VPS13A: variants seen among roughly 807,000 people sequenced by gnomAD.
VPS13A encodes the protein intermembrane lipid transfer protein VPS13A.
VPS13A carries 264 observed loss-of-function variants against 390.9 expected under a neutral mutation model. The ratio of observed to expected loss-of-function variants is 0.68; its 90% CI spans 0.61 to 0.75. The LOEUF (loss-of-function observed/expected upper bound fraction) is 0.75. VPS13A is among the 30% of genes least tolerant of loss of function. VPS13A has a pLI of 0.00. For missense variants in VPS13A, 3,409 were observed against 3,733.9 expected, an observed-to-expected ratio of 0.91 and a Z score of 2.27; for synonymous variants, 1,231 against 1,227.1, an observed-to-expected ratio of 1.00 and a Z score of -0.07.
At chr9:77,220,835 A>G (rs1424951885) in intron 12 of VPS13A, among the ~76,000 whole-genome samples, 2 of 152,106 alleles carry the variant, frequency 1.3e-5, no homozygotes, top group Non-Finnish European at 2.9e-5. Flanking sequence ...TCCAGTTTTT[A>G]AGCTATTCCC....
chr9:77,411,637 T>C lies in VPS13A; in HGVS notation c.9474+4030T>C, dbSNP rs1834927738. On this transcript the variant is annotated intron_variant, in intron 71 of 71. Coordinates refer to ENST00000360280, the MANE Select transcript of VPS13A (RefSeq NM_033305.3). ...GAGATGGCGCCACTGCACTCCAGCC[T>C]AGGCAACAGCAAAACTCCATCTCAA... 4.0e-5 allele frequency among the ~76,000 whole-genome samples: 4 copies of C among 100,480 alleles called. No individual in the cohort carries two copies. In the South Asian group the frequency reaches 1.4e-3, roughly 35 times the overall value. 65.9% of individuals were successfully genotyped at this position (100,480 alleles called of 152,430 possible). A position where few individuals can be genotyped will look rare whatever the true frequency, so the allele number is the denominator to read the frequency against.
chr9:77,314,950 T>C (rs1188752877), intron 37 of VPS13A, among the ~76,000 whole-genome samples: 1 of 152,182 alleles, frequency 6.6e-6, no homozygotes, highest in African/African-American at 2.4e-5. Context: ...AAATCTAATA[T>C]AAGTTATTGT....
At chr9:77,401,363 G>GTGTC (rs1554680555) in intron 68 of VPS13A, among the ~76,000 whole-genome samples, 7 of 149,450 alleles carry the variant, frequency 4.7e-5, no homozygotes, top group East Asian at 3.9e-4. Flanking sequence ...GTGTGTGTGT[G>GTGTC]TGTGTGTGTG....
At chr9:77,370,849 T>TA (rs751009385) in intron 65 of VPS13A, 41 bp from the exon 66 acceptor site, 21 of 1,611,680 alleles carry the variant, frequency 1.3e-5, no homozygotes, top group Middle Eastern at 2.2e-4. Flanking sequence ...CTAGGCATCA[T>TA]AAAAAAGTAT....
chr9:77,365,848 A>G (rs1376507357), intron 60 of VPS13A, among the ~76,000 whole-genome samples: 2 of 152,110 alleles, frequency 1.3e-5, no homozygotes, highest in African/African-American at 4.8e-5. Flanking sequence ...AAAATTTTGC[A>G]TATGATGATT....
rs530196825 is a variant in VPS13A at position 77,257,457 on chromosome 9, C to G, written c.2289-2629C>G. Reference sequence around the variant, plus strand: ...GCTATGTTGCCCAGGCTATAACAGCCTATTTAAGATTGAGGCAGGTTGCAT... The same window carrying G: ...GCTATGTTGCCCAGGCTATAACAGCGTATTTAAGATTGAGGCAGGTTGCAT... On this transcript the variant is annotated intron_variant, in intron 22 of 71. Transcript: ENST00000360280. 7.9e-5 allele frequency among the ~76,000 whole-genome samples: 12 copies of G among 152,098 alleles called. 1 individual carries two copies. The South Asian group carries it at 2.3e-3, about 29-fold the overall frequency.
chr9:77,177,787 C>T lies in VPS13A; in HGVS notation c.83C>T (p.Ser28Phe). 4 of 1,613,276 alleles carry T rather than the reference C, an allele frequency of 2.5e-6. No individual in the cohort carries two copies. Among genetic ancestry groups the T allele is most frequent in the Non-Finnish European group, 2.5e-6 (3 of 1,179,596 alleles). The change falls in exon 1 of 72, where the codon TCT becomes TTT. Residue 28 changes from serine (S) to phenylalanine (F), a missense_variant. Coordinates refer to ENST00000360280, the MANE Select transcript of VPS13A (RefSeq NM_033305.3). ...GTGGACTTGGACACGTCCCAGCTCT[C>T]TCTGGGCATCTGGAAAGGTAAGGAG... ...YVVDLDTSQL[S>F]LGIWKGAVAL...
At chr9:77,208,331 C>A (rs1825793073) in intron 5 of VPS13A, among the ~76,000 whole-genome samples, 1 of 151,826 alleles carries the variant, frequency 6.6e-6, no homozygotes, top group Non-Finnish European at 1.5e-5. Flanking sequence ...GCCTCCTGGG[C>A]CAGCTGAATT....
At chr9:77,252,201 G>GT (rs535141166) in intron 21 of VPS13A, 34 bp from the exon 22 acceptor site, 73 of 1,512,868 alleles carry the variant, frequency 4.8e-5, no homozygotes, top group Non-Finnish European at 6.5e-5. Flanking sequence ...GTGTGTTATA[G>GT]TTACGTTAAA....
intron 1 of VPS13A, among the ~76,000 whole-genome samples, chr9:77,183,965 T>C (rs1396160133): frequency 1.3e-5 from 2 of 152,226 alleles, no homozygotes; most frequent in African/African-American, 4.8e-5. Flanking sequence ...GCAATTCATA[T>C]TATTAAATGT....
chr9:77,302,957 A>G lies in VPS13A; in HGVS notation c.3855A>G (p.Leu1285=). ...INDAYQEVLD[L]LLPLNLEVVV... ...ATGCATACCAGGAAGTACTGGATCT[A>G]CTCCTGCCATTAAATCTTGAGGTTG... Residue 1285 remains leucine, a synonymous_variant, in exon 34 of 72, where the codon CTA becomes CTG. Transcript: ENST00000360280. 1 of 1,613,730 alleles carries G rather than the reference A, an allele frequency of 6.2e-7. No individual in the cohort carries two copies.
intron 31 of VPS13A, among the ~76,000 whole-genome samples, chr9:77,287,430 C>T (rs1417511126): frequency 3.3e-5 from 5 of 151,864 alleles, no homozygotes; most frequent in Admixed American, 2.6e-4. Context: ...TGAGCTCAGG[C>T]GATCTACCTG....
chr9:77,318,890 T>A (rs1158662729), intron 41 of VPS13A, among the ~76,000 whole-genome samples: 1 of 152,032 alleles, frequency 6.6e-6, no homozygotes, highest in Non-Finnish European at 1.5e-5. Flanking sequence ...TTCAGAATAT[T>A]TTTTTTAAAG....
rs183184383 is a variant in VPS13A, at chr9:77,365,594, T to C, written c.8325+21T>C. The C allele has an allele frequency of 2.0e-4, 293 of 1,474,884 alleles. 4 individuals carry two copies. The African/African-American group carries it at 3.4e-3, about 17-fold the overall frequency. 91.4% of individuals were successfully genotyped at this position (1,474,884 alleles called of 1,614,324 possible). ...TCAAGGTAGGAGAAAGTCATTTTTA[T>C]TGTCCTTGATAATCTAGGTAATAGC... On this transcript the variant is annotated intron_variant, in intron 60 of 71. Coordinates refer to ENST00000360280, the MANE Select transcript of VPS13A (RefSeq NM_033305.3).
rs914862485 is a variant in VPS13A at position 77,194,128 on chromosome 9, C to T, written c.101-5817C>T. 3.9e-5 allele frequency among the ~76,000 whole-genome samples: 6 copies of T among 152,006 alleles called. No individual in the cohort carries two copies. In the South Asian group the frequency reaches 8.3e-4, roughly 21 times the overall value. On this transcript the variant is annotated intron_variant, in intron 1 of 71. Transcript: ENST00000360280. ...AGGCCTGCATATACATTGGAAAAGC[C>T]GTCGGGGGAGGCTGTGGGTGACGGT...
chr9:77,420,768 C>A lies in VPS13A; in HGVS notation c.*4762C>A, dbSNP rs1835316361. The A allele has an allele frequency of 6.6e-6, 1 of 152,066 alleles. No homozygotes were observed. The highest frequency in any genetic ancestry group is 2.4e-5 in the African/African-American group (1 of 41,388). 9.4% of individuals were successfully genotyped at this position (152,066 alleles called of 1,614,324 possible). A position where few individuals can be genotyped will look rare whatever the true frequency, so the allele number is the denominator to read the frequency against. On this transcript the variant is annotated 3_prime_UTR_variant, in exon 72 of 72. Transcript: ENST00000360280. ...CTGTGAGATTGGTATAATGAGATAT[C>A]AAATAATCAGAAGTATAATTAAAAT...
chr9:77,290,818 A>G (rs898958343), intron 31 of VPS13A, among the ~76,000 whole-genome samples: 9 of 152,150 alleles, frequency 5.9e-5, no homozygotes, highest in Non-Finnish European at 1.2e-4. Context: ...CTGCTATAAT[A>G]ATATTCACCA....
chr9:77,211,352 C>T (rs181706619), intron 7 of VPS13A: 83 of 152,002 alleles, frequency 5.5e-4, no homozygotes, highest in African/African-American at 1.9e-3. Flanking sequence ...TAAAAGTTTA[C>T]GCGTTTTATA....
intron 24 of VPS13A, among the ~76,000 whole-genome samples, chr9:77,274,435 A>G (rs1044234186): frequency 6.6e-6 from 1 of 151,868 alleles, no homozygotes; most frequent in African/African-American, 2.4e-5. Flanking sequence ...TCAAAAAAAA[A>G]AAAAAAAAAA....
Sources: gnomAD v4.1 joint callset for allele counts (sites outside exome capture counted in the v4.1 genomes callset) on GRCh38, gnomAD v4.1.1 for gene constraint, MANE v1.5 for transcripts, NCBI Gene and HGNC (gene_info 2026-07-23, HGNC 2026-07-21) for gene names.